NSD1: variants seen among roughly 807,000 people sequenced by gnomAD.
NSD1 encodes histone-lysine N-methyltransferase, H3 lysine-36 specific.
NSD1 carries 26 observed loss-of-function variants against 242.7 expected under a neutral mutation model. The observed-to-expected ratio is 0.11, with a 90% CI of 0.08 to 0.15. The LOEUF (loss-of-function observed/expected upper bound fraction) is 0.15, where lower values mean the gene tolerates loss of function less well. NSD1 is among the 10% of genes least tolerant of loss of function. The probability of loss-of-function intolerance (pLI) is 1.00; values close to 1 mark genes in which losing one functional copy is unlikely to be tolerated. For missense variants in NSD1, 2,495 were observed against 3,272.8 expected (o/e 0.76, Z 5.80); for synonymous variants, 1,106 against 1,178.1 (o/e 0.94, Z 1.25).
rs181944770 is a variant in NSD1, at chr5:177,279,597, A to C, written c.5623-968A>C. ...ACCTAGTTTATAGTTCACCTGGCTT[A>C]TCAGCTTTGAAAATTTTTTTTTTTT... On this transcript the variant is annotated intron_variant, in intron 17 of 22. Transcript: ENST00000439151. Among the ~76,000 whole-genome samples the C allele has an allele frequency of 9.4e-3, 1,363 of 144,396 alleles. 21 individuals are homozygous for C. The highest frequency in any genetic ancestry group is 0.034 in the African/African-American group (1,291 of 38,248). The allele number at this position is 144,396 out of a possible 152,430, so 94.7% of individuals were successfully genotyped here.
At position 177,173,842 on chromosome 5, in the gene NSD1, C is replaced by G. The variant is rs545801901; in HGVS notation, c.928-18042C>G. Among the ~76,000 whole-genome samples the G allele has an allele frequency of 1.9e-4, 29 of 152,278 alleles. No homozygotes were observed. In the South Asian group the frequency reaches 4.8e-3, roughly 25 times the overall value. The stretch of plus-strand genomic sequence containing the variant: ...TTGTCACAGGTTATTATTGATTGGT[C>G]TTCTGAGAACAATAGTCATTCATAT... On this transcript the variant is annotated intron_variant, in intron 2 of 22. Coordinates refer to ENST00000439151, the MANE Select transcript of NSD1 (RefSeq NM_022455.5).
intron 2 of NSD1, 49 bp downstream of exon 2, chr5:177,136,079 C>G (rs750701208): frequency 3.2e-5 from 46 of 1,453,866 alleles, no homozygotes; most frequent in Middle Eastern, 1.8e-4. Context: ...TGTATATATA[C>G]AGGCCACTTA....
intron 2 of NSD1, among the ~76,000 whole-genome samples, chr5:177,160,004 T>C (rs1758609210): frequency 6.6e-6 from 1 of 152,132 alleles, no homozygotes; most frequent in African/African-American, 2.4e-5. Context: ...ATTCTCCTGC[T>C]TCAGCCTCCT....
chr5:177,269,511 A>G lies in NSD1; in HGVS notation c.5304-91A>G. On this transcript the variant is annotated intron_variant, in intron 15 of 22. Coordinates refer to ENST00000439151, the MANE Select transcript of NSD1 (RefSeq NM_022455.5). This position sits in a 1 kb window ranked among gnomAD's most constrained non-coding sequence, Gnocchi z 5.1. ...TGGACTTTAATGTGGACAGACAGAC[A>G]TTGCTAATCCTTACTTTTATATGAG... 1 of 1,108,064 alleles carries G rather than the reference A, an allele frequency of 9.0e-7. No individual in the cohort carries two copies. Among genetic ancestry groups the G allele is most frequent in the Non-Finnish European group, 1.4e-6 (1 of 737,908 alleles). 68.6% of individuals were successfully genotyped at this position (1,108,064 alleles called of 1,614,324 possible).
chr5:177,185,635 G>GT (rs567390427), intron 2 of NSD1, among the ~76,000 whole-genome samples: 1 of 130,886 alleles, frequency 7.6e-6, no homozygotes, highest in South Asian at 2.2e-4. Flanking sequence ...TTTTTTGTTT[G>GT]TTTTTTTGAG....
chr5:177,207,823 A>G (rs986703551), intron 4 of NSD1, among the ~76,000 whole-genome samples: 1 of 151,712 alleles, frequency 6.6e-6, no homozygotes, highest in African/African-American at 2.4e-5. Context: ...GCACACTGCA[A>G]CTTTCACCTC....
intron 4 of NSD1, among the ~76,000 whole-genome samples, chr5:177,209,384 C>T (rs187196202): frequency 6.6e-6 from 1 of 151,802 alleles, no homozygotes; most frequent in African/African-American, 2.4e-5. Context: ...AAAAAATTAG[C>T]TGGGTGTGGT....
chr5:177,294,771 G>A lies in NSD1; in HGVS notation c.7403G>A (p.Arg2468Gln), dbSNP rs587784217. The A allele has an allele frequency of 2.1e-5, 34 of 1,613,694 alleles. No individual in the cohort carries two copies. Among genetic ancestry groups the A allele is most frequent in the South Asian group, 8.8e-5 (8 of 91,088 alleles). Residue 2468 changes from arginine (R) to glutamine (Q), a missense_variant, in exon 23 of 23, where the codon CGG (arginine) becomes CAG (glutamine). This residue lies in a region of NSD1 where 475 missense variants were observed against 563.7 expected (regional missense o/e 0.84). Coordinates refer to ENST00000439151, the MANE Select transcript of NSD1 (RefSeq NM_022455.5). ...LIDLTPRQKE[R>Q]AASPHQVTPQ... ...GACCTAACTCCTCGCCAGAAGGAGC[G>A]GGCAGCTTCACCTCATCAGGTCACA...
intron 3 of NSD1, among the ~76,000 whole-genome samples, chr5:177,203,422 G>A (rs1762645577): frequency 6.6e-6 from 1 of 152,066 alleles, no homozygotes; most frequent in African/African-American, 2.4e-5. Flanking sequence ...ATTACTGGTA[G>A]GCTTTCCTTT....
intron 2 of NSD1, among the ~76,000 whole-genome samples, chr5:177,151,872 T>A (rs1287146469): frequency 1.3e-5 from 2 of 151,236 alleles, no homozygotes; most frequent in African/African-American, 4.9e-5. Context: ...TTTTTTTGTT[T>A]TGTTTTTTGA....
intron 17 of NSD1, among the ~76,000 whole-genome samples, chr5:177,276,638 T>G (rs1439173862): frequency 6.6e-6 from 1 of 152,002 alleles, no homozygotes; most frequent in Non-Finnish European, 1.5e-5. Flanking sequence ...TTTTTTTGCT[T>G]TTTTCTCCCC....
chr5:177,230,862 C>G (rs1178824746), intron 5 of NSD1, among the ~76,000 whole-genome samples: 1 of 151,530 alleles, frequency 6.6e-6, no homozygotes, highest in Non-Finnish European at 1.5e-5. Context: ...AAGACTTAGC[C>G]TATGGAACCT....
Position 177,211,944 on chromosome 5 carries a change from A to T in NSD1, c.3545A>T (p.Asn1182Ile), listed in dbSNP as rs762052484. 2 of 1,603,194 alleles carry T rather than the reference A, an allele frequency of 1.2e-6. No homozygotes were observed. Among genetic ancestry groups the T allele is most frequent in the Admixed American group, 1.7e-5 (1 of 58,126 alleles). Residue 1182 changes from asparagine (N) to isoleucine (I), a missense_variant, in exon 5 of 23, where the codon AAC becomes ATC. Around this residue, in one of 19 missense-constraint regions of NSD1, gnomAD observed 426 missense variants for 411.4 expected, o/e 1.04. Coordinates refer to ENST00000439151, the MANE Select transcript of NSD1 (RefSeq NM_022455.5). ...KRMNRFKEKE[N>I]SECAFRVLLP... ...ATGAACAGATTTAAAGAGAAAGAAA[A>T]CTCTGAGTGTGCCTTTAGGGTCTTA...
chr5:177,213,723 C>A (rs1250762228), intron 5 of NSD1, among the ~76,000 whole-genome samples: 1 of 152,066 alleles, frequency 6.6e-6, no homozygotes, highest in Non-Finnish European at 1.5e-5. Flanking sequence ...CGCCCGCCTC[C>A]ACCTCCCAAA....
At chr5:177,207,077 C>T (rs1420745334) in intron 4 of NSD1, among the ~76,000 whole-genome samples, 1 of 151,978 alleles carries the variant, frequency 6.6e-6, no homozygotes, top group Non-Finnish European at 1.5e-5. Context: ...GCTGAGATTA[C>T]AGGCTTGCGC....
chr5:177,258,516 TTTG>T (rs200177256), intron 13 of NSD1, among the ~76,000 whole-genome samples: 33 of 151,880 alleles, frequency 2.2e-4, no homozygotes, highest in African/African-American at 7.5e-4. Flanking sequence ...ACAAGTTGTT[TTTG>T]TTGTTGTTGT....
intron 2 of NSD1, among the ~76,000 whole-genome samples, chr5:177,179,355 A>G (rs1484176175): frequency 6.6e-6 from 1 of 152,126 alleles, no homozygotes; most frequent in Admixed American, 6.6e-5. Context: ...AGCAGGGATT[A>G]TAGGCATGCG....
intron 3 of NSD1, among the ~76,000 whole-genome samples, chr5:177,194,384 T>TGAATAGCTG (rs530004456): frequency 6.0e-5 from 9 of 151,142 alleles, no homozygotes; most frequent in East Asian, 1.9e-4. Context: ...CTCAGCATCC[T>TGAATAGCTG]GAATAGCTGG....
Position 177,292,130 on chromosome 5 carries a change from C to T in NSD1, c.6435C>T (p.Asp2145=). 6.2e-7 allele frequency: 1 copy of T among 1,614,144 alleles called. No homozygotes were observed. Among genetic ancestry groups the T allele is most frequent in the Non-Finnish European group, 8.5e-7 (1 of 1,180,022 alleles). The part of the protein sequence containing the change: ...KPGCPKVYHA[D]CLNLTKRPAG... ...GCTGCCCAAAAGTTTACCACGCAGA[C>T]TGTCTCAATCTGACCAAGCGACCAG... Residue 2145 remains aspartate, a synonymous_variant, in exon 22 of 23, where the codon GAC becomes GAT. Transcript: ENST00000439151.
Sources: gnomAD v4.1 joint callset for allele counts (sites outside exome capture counted in the v4.1 genomes callset) on GRCh38, gnomAD v4.1.1 for gene constraint, gnomAD v4.1.1 regional missense constraint, Gnocchi (gnomAD v3.1) non-coding constraint, MANE v1.5 for transcripts, NCBI Gene and HGNC (gene_info 2026-07-23, HGNC 2026-07-21) for gene names.